ELMO1: variants seen among roughly 807,000 people sequenced by gnomAD.
ELMO1 encodes engulfment and cell motility 1.
A neutral mutation model predicts 98.9 loss-of-function variants in ELMO1; 26 were observed. The observed-to-expected ratio is 0.26, with a 90% CI of 0.19 to 0.36. The LOEUF (loss-of-function observed/expected upper bound fraction) is 0.36. Ranked by LOEUF, ELMO1 falls within the 10% of genes least tolerant of loss-of-function variation. ELMO1 has a pLI of 1.00. For synonymous variants in ELMO1, 346 were observed against 346.0 expected (o/e 1.00, Z 0.00); for missense variants, 627 against 935.2 (o/e 0.67, Z 4.30).
At chr7:37,443,777 T>C (rs1328369227) in intron 1 of ELMO1, among the ~76,000 whole-genome samples, 8 of 152,250 alleles carry the variant, frequency 5.3e-5, no homozygotes, top group Admixed American at 5.2e-4. Context: ...AGGCTGGCTT[T>C]GCTGAACCTA....
chr7:37,246,202 C>T (rs1794998118), intron 6 of ELMO1, among the ~76,000 whole-genome samples: 1 of 152,116 alleles, frequency 6.6e-6, no homozygotes. Context: ...AAACAGAGCT[C>T]TTACTACCAA....
At position 36,870,445 on chromosome 7, in the gene ELMO1, G is replaced by C; in HGVS notation, c.1853C>G (p.Thr618Arg). 6.2e-7 allele frequency: 1 copy of C among 1,613,962 alleles called. No individual in the cohort carries two copies. The highest frequency in any genetic ancestry group is 8.5e-7 in the Non-Finnish European group (1 of 1,179,974). ...TTTCATATGAGGGCAGTCCTTTCCC[G>C]TCACCACGGCTTTGATATCTGCCAC... ...LPVADIKAVV[T>R]GKDCPHMKEK... is the part of the protein sequence containing the mutation. The change falls in exon 20 of 22, where the codon ACG becomes AGG. Residue 618 changes from threonine to arginine, a missense_variant. Transcript: ENST00000310758. The surrounding 1 kb of genome is among the most constrained non-coding windows in gnomAD (Gnocchi z 4.4).
chr7:36,997,384 C>A (rs2129157898), intron 16 of ELMO1, among the ~76,000 whole-genome samples: 1 of 152,268 alleles, frequency 6.6e-6, no homozygotes, highest in East Asian at 1.9e-4. Flanking sequence ...TGTTCCTGCA[C>A]AGAGACTGGG....
At chr7:37,412,045 A>AAC (rs972500521) in intron 1 of ELMO1, among the ~76,000 whole-genome samples, 1 of 151,992 alleles carries the variant, frequency 6.6e-6, no homozygotes, top group Non-Finnish European at 1.5e-5. Context: ...CACACACAAA[A>AAC]ACACACACAC....
At chr7:37,073,809 T>C (rs1342792326) in intron 15 of ELMO1, among the ~76,000 whole-genome samples, 2 of 152,082 alleles carry the variant, frequency 1.3e-5, no homozygotes, top group East Asian at 3.9e-4. Flanking sequence ...ACTTGTCTTC[T>C]GGCCTCAAGA....
chr7:37,295,014 AT>A (rs1255771410), intron 4 of ELMO1, among the ~76,000 whole-genome samples: 10 of 149,934 alleles, frequency 6.7e-5, no homozygotes, highest in Non-Finnish European at 1.5e-4. Flanking sequence ...AAAAAAAAAA[AT>A]TCATCTCAAA....
chr7:37,171,355 G>A lies in ELMO1; in HGVS notation c.1087-38121C>T, dbSNP rs114093279. On this transcript the variant is annotated intron_variant, in intron 13 of 21. Coordinates refer to ENST00000310758, the MANE Select transcript of ELMO1 (RefSeq NM_014800.11). ...AAATGTGTATCTACCAATCAGTGGC[G>A]TCATGGGCAATAAAATATGGACATA... is the stretch of plus-strand genomic sequence containing the variant. Among the ~76,000 whole-genome samples, 1,332 of 151,948 alleles carry A rather than the reference G, an allele frequency of 8.8e-3. 14 individuals are homozygous for A. The highest frequency in any genetic ancestry group is 0.03 in the African/African-American group (1,249 of 41,412).
intron 16 of ELMO1, among the ~76,000 whole-genome samples, chr7:36,927,308 A>C (rs1785656829): frequency 6.6e-6 from 1 of 152,210 alleles, no homozygotes; most frequent in Non-Finnish European, 1.5e-5. Context: ...AATGCAAAAG[A>C]TATATAGTAC....
chr7:37,363,429 C>T (rs936122889), intron 1 of ELMO1, among the ~76,000 whole-genome samples: 2 of 152,146 alleles, frequency 1.3e-5, no homozygotes, highest in African/African-American at 4.8e-5. Flanking sequence ...TTAACATGGC[C>T]CGCAAAGGCC....
intron 8 of ELMO1, among the ~76,000 whole-genome samples, chr7:37,225,318 A>G (rs1285052205): frequency 6.6e-6 from 1 of 152,144 alleles, no homozygotes; most frequent in Non-Finnish European, 1.5e-5. Flanking sequence ...TATTCTCCTG[A>G]GTTTCATCTT....
intron 13 of ELMO1, among the ~76,000 whole-genome samples, chr7:37,199,659 G>A (rs1792171690): frequency 1.3e-5 from 2 of 152,186 alleles, no homozygotes; most frequent in African/African-American, 4.8e-5. Flanking sequence ...GGTGGCAACA[G>A]CACATGCCTT....
intron 4 of ELMO1, among the ~76,000 whole-genome samples, chr7:37,289,469 C>G (rs1165059970): frequency 6.6e-6 from 1 of 152,218 alleles, no homozygotes; most frequent in Non-Finnish European, 1.5e-5. Context: ...CAGCTGTTCA[C>G]TAACGCCACA....
In ELMO1 at chr7:37,258,008, G is replaced by A. The variant is rs181670137; in HGVS notation, c.413+1173C>T. Among the ~76,000 whole-genome samples the A allele has an allele frequency of 9.3e-5, 14 of 150,582 alleles. No individual in the cohort carries two copies. In the East Asian group the frequency reaches 2.8e-3, roughly 30 times the overall value. On this transcript the variant is annotated intron_variant, in intron 6 of 21. Coordinates refer to ENST00000310758, the MANE Select transcript of ELMO1 (RefSeq NM_014800.11). ...AATTAGGCCGGGCGTGGTGACTCACGCCTGTAATCCCAACACCTTGGGAGG... is the reference window on the plus strand; with the variant it reads ...AATTAGGCCGGGCGTGGTGACTCACACCTGTAATCCCAACACCTTGGGAGG...
chr7:37,409,005 C>T (rs1013956784), intron 1 of ELMO1, among the ~76,000 whole-genome samples: 1 of 152,082 alleles, frequency 6.6e-6, no homozygotes, highest in Non-Finnish European at 1.5e-5. Flanking sequence ...GTTTACACAT[C>T]GGGCCATGGC....
At chr7:36,889,731 GT>G (rs1717607102) in intron 17 of ELMO1, among the ~76,000 whole-genome samples, 1 of 152,210 alleles carries the variant, frequency 6.6e-6, no homozygotes, top group African/African-American at 2.4e-5. Context: ...AGAGGTGCCT[GT>G]CACAACGCAT....
chr7:37,262,641 A>C (rs1157732942), intron 5 of ELMO1, among the ~76,000 whole-genome samples: 1 of 152,168 alleles, frequency 6.6e-6, no homozygotes, highest in African/African-American at 2.4e-5. Flanking sequence ...TGTTTGCTTT[A>C]GGGTAAATTT....
At chr7:37,169,767 G>C in intron 13 of ELMO1, among the ~76,000 whole-genome samples, 1 of 152,168 alleles carries the variant, frequency 6.6e-6, no homozygotes, top group Non-Finnish European at 1.5e-5. Context: ...TCACACTTAG[G>C]AACCAACAGG....
At chr7:37,446,520 C>T (rs753058107) in intron 1 of ELMO1, among the ~76,000 whole-genome samples, 38 of 152,140 alleles carry the variant, frequency 2.5e-4, no homozygotes, top group Admixed American at 5.2e-4. Flanking sequence ...GGGAGAAAAG[C>T]TCCTCCTGTA....
intron 13 of ELMO1, among the ~76,000 whole-genome samples, chr7:37,179,723 C>G (rs1329193005): frequency 6.6e-6 from 1 of 152,156 alleles, no homozygotes; most frequent in Non-Finnish European, 1.5e-5. Context: ...GAATCACTTC[C>G]TTGGATCTGC....
Sources: gnomAD v4.1 joint callset for allele counts (sites outside exome capture counted in the v4.1 genomes callset) on GRCh38, gnomAD v4.1.1 for gene constraint, Gnocchi (gnomAD v3.1) non-coding constraint, MANE v1.5 for transcripts, NCBI Gene and HGNC (gene_info 2026-07-23, HGNC 2026-07-21) for gene names.